Variants in CASP6 observed in about 807,000 individuals in gnomAD.
CASP6 encodes caspase 6, also known as caspase-6.
CASP6 carries 20 observed loss-of-function variants against 31.8 expected under a neutral mutation model. The observed-to-expected ratio is 0.63, with a 90% confidence interval of 0.44 to 0.91. The LOEUF is 0.91. Ranked by LOEUF, CASP6 falls within the 40% of genes least tolerant of loss-of-function variation. CASP6 has a pLI of 0.00. For synonymous variants in CASP6, 130 were observed against 127.8 expected, an observed-to-expected ratio of 1.02 and a Z score of -0.12; for missense variants, 328 against 361.1, an observed-to-expected ratio of 0.91 and a Z score of 0.74.
downstream of CASP6, chr4:109,687,586 GAATT>G: frequency 1.9e-6 from 3 of 1,602,786 alleles, no homozygotes; most frequent in South Asian, 2.2e-5. Context: ...TCAATGAAAA[GAATT>G]AATCTTACAG....
intron 3 of CASP6, 104 bp from the exon 4 acceptor site, chr4:109,696,590 C>T: frequency 1.4e-6 from 1 of 692,646 alleles, no homozygotes; most frequent in Non-Finnish European, 2.4e-6. Flanking sequence ...CATAAATTTG[C>T]TTTCTTTAGG....
the CASP6 span, chr4:109,683,032 A>G: frequency 4.1e-6 from 1 of 241,084 alleles, no homozygotes; most frequent in Non-Finnish European, 7.9e-6. Context: ...GAGATCAGTC[A>G]TAATGTCTCT....
chr4:109,686,137 C>T (rs1296218647), downstream of CASP6, among the ~76,000 whole-genome samples: 4 of 152,068 alleles, frequency 2.6e-5, no homozygotes, highest in Non-Finnish European at 4.4e-5. Flanking sequence ...AATTGAAGGA[C>T]GTTTTAATTT....
At chr4:109,697,801 A>G (rs367949512) in intron 2 of CASP6, 33 bp from the exon 3 acceptor site, 4 of 1,602,460 alleles carry the variant, frequency 2.5e-6, no homozygotes, top group Non-Finnish European at 1.7e-6. Context: ...CAATCACTTC[A>G]AGTCATATTA....
the CASP6 span, among the ~76,000 whole-genome samples, chr4:109,669,045 C>T: frequency 5.9e-5 from 9 of 151,924 alleles, no homozygotes; most frequent in South Asian, 2.1e-4. Flanking sequence ...TCTTTTGAAC[C>T]GACTGTTATC....
At chr4:109,685,418 G>GT (rs751753234), downstream of CASP6, 169 of 767,272 alleles carry the variant, frequency 2.2e-4, no homozygotes, top group Admixed American at 3.1e-4. Context: ...CCAGAACTTA[G>GT]TATCAGGGAA....
chr4:109,690,768 C>G (rs1192243106), intron 6 of CASP6, 82 bp downstream of exon 6: 3 of 1,438,478 alleles, frequency 2.1e-6, no homozygotes, highest in Admixed American at 2.3e-5. Flanking sequence ...ACCGAAAGAT[C>G]TGACCCAAAC....
the CASP6 span, among the ~76,000 whole-genome samples, chr4:109,681,772 T>A: frequency 6.6e-6 from 1 of 152,306 alleles, no homozygotes; most frequent in African/African-American, 2.4e-5. Flanking sequence ...TCCGGAAGAA[T>A]GTAAGTCAGC....
At chr4:109,681,087 C>T in the CASP6 span, among the ~76,000 whole-genome samples, 42 of 152,082 alleles carry the variant, frequency 2.8e-4, no homozygotes, top group African/African-American at 1.0e-3. Context: ...GGGATGGACC[C>T]CTGTGATAAG....
At chr4:109,695,913 T>G (rs1403158664) in intron 4 of CASP6, among the ~76,000 whole-genome samples, 1 of 152,154 alleles carries the variant, frequency 6.6e-6, no homozygotes, top group Non-Finnish European at 1.5e-5. Context: ...GAAGAAAGTT[T>G]AAAGTAATTA....
chr4:109,664,491 C>A, the CASP6 span: 1 of 591,366 alleles, frequency 1.7e-6, no homozygotes, highest in South Asian at 2.0e-5. Context: ...GTGACGTCGT[C>A]ATAGCTCACT....
downstream of CASP6, chr4:109,685,497 C>G (rs1186653438): frequency 2.0e-6 from 1 of 496,584 alleles, no homozygotes; most frequent in Non-Finnish European, 3.6e-6. Context: ...TGGGATTGTT[C>G]ATTGAAATGG....
chr4:109,680,606 A>G, the CASP6 span, among the ~76,000 whole-genome samples: 8 of 152,120 alleles, frequency 5.3e-5, no homozygotes, highest in African/African-American at 1.9e-4. Flanking sequence ...CAGATCTCAA[A>G]GCCTAAAAGA....
upstream of CASP6, among the ~76,000 whole-genome samples, chr4:109,705,974 TAAAAAAAAA>T (rs59584573): frequency 2.0e-4 from 6 of 29,396 alleles, no homozygotes; most frequent in African/African-American, 4.7e-4. Context: ...AGACACTCTT[TAAAAAAAAA>T]AAAAAAAAAA....
chr4:109,677,683 C>T, the CASP6 span, among the ~76,000 whole-genome samples: 1 of 152,066 alleles, frequency 6.6e-6, no homozygotes, highest in Non-Finnish European at 1.5e-5. Context: ...TCTCTCTCAC[C>T]CACGTAATGC....
At chr4:109,690,522 C>CA (rs35382792) in intron 6 of CASP6, among the ~76,000 whole-genome samples, 5,203 of 130,666 alleles carry the variant, frequency 0.04, 109 homozygotes, top group Middle Eastern at 0.081. Context: ...GACCTTGTCT[C>CA]AAAAAAAAAA....
chr4:109,688,699 TAA>T lies in CASP6; in HGVS notation c.*629_*630del, dbSNP rs1240177782. 1.3e-5 allele frequency: 2 copies of T among 151,874 alleles called. No homozygotes were observed. The highest frequency in any genetic ancestry group is 4.9e-5 in the African/African-American group (2 of 41,198). 9.4% of individuals were successfully genotyped at this position (151,874 alleles called of 1,614,324 possible). On this transcript the variant is annotated 3_prime_UTR_variant, in exon 7 of 7. Coordinates refer to ENST00000265164, the MANE Select transcript of CASP6 (RefSeq NM_001226.4). ...AAAAACCTTTAAAAACATCAAACAA[TAA>T]ACTTTTATAAAAAAGTGACAAAATA... is the stretch of plus-strand genomic sequence containing the variant.
At chr4:109,691,088 A>C (rs1730041893) in intron 5 of CASP6, 79 bp from the exon 6 acceptor site, 11 of 1,419,012 alleles carry the variant, frequency 7.8e-6, no homozygotes, top group Middle Eastern at 2.4e-4. Context: ...TGAATGTGTA[A>C]GCCAGTACCC....
At chr4:109,694,166 C>T (rs770674578) in intron 5 of CASP6, among the ~76,000 whole-genome samples, 15 of 152,180 alleles carry the variant, frequency 9.9e-5, no homozygotes, top group South Asian at 2.1e-4. Flanking sequence ...TTTATATGCT[C>T]TCCACCTCCC....
Sources: allele counts gnomAD v4.1 joint callset (sites outside exome capture counted in the v4.1 genomes callset), GRCh38; gene constraint gnomAD v4.1.1; transcripts MANE v1.5; gene names NCBI Gene and HGNC (gene_info 2026-07-23, HGNC 2026-07-21).